Variants in APC observed in about 807,000 individuals in gnomAD.
APC encodes the protein adenomatous polyposis coli protein.
In APC, 72 loss-of-function variants were observed where a neutral mutation model predicts 247.0. That is an observed-to-expected ratio of 0.29 (90% CI 0.24 to 0.35). APC has a LOEUF of 0.35. APC is among the 10% of genes least tolerant of loss of function. APC has a pLI of 1.00. For synonymous variants in APC, 1,254 were observed against 1,162.5 expected, an observed-to-expected ratio of 1.08 and a Z score of -1.60; for missense variants, 3,400 against 3,360.7, an observed-to-expected ratio of 1.01 and a Z score of -0.29.
chr5:112,825,954 T>C (rs1390711689), intron 11 of APC, among the ~76,000 whole-genome samples: 2 of 152,248 alleles, frequency 1.3e-5, no homozygotes, highest in East Asian at 1.9e-4. Context: ...TTCCTAAATA[T>C]GATTTGGATT....
At chr5:112,831,921 A>C (rs541786314) in intron 14 of APC, among the ~76,000 whole-genome samples, 1 of 152,218 alleles carries the variant, frequency 6.6e-6, no homozygotes, top group Non-Finnish European at 1.5e-5. Context: ...GGCAGTTACA[A>C]TTTGACAGTT....
rs730881256 is a variant in APC at position 112,842,288 on chromosome 5, C to G, written c.6694C>G (p.His2232Asp). The change falls in exon 16 of 16, where the codon CAT becomes GAT. Residue 2232 changes from histidine to aspartate, a missense_variant. Physicochemically the swap from His to Asp is moderately conservative, Grantham distance 81 (BLOSUM62 -1). This residue lies in a region of APC where 1,788 missense variants were observed against 1,649.5 expected (regional missense o/e 1.08). Coordinates refer to ENST00000257430, the MANE Select transcript of APC (RefSeq NM_000038.6). ...AATCTCTCGAGGCAGGACAATGATT[C>G]ATATTCCAGGAGTTCGAAATAGCTC... Reference protein sequence around the residue: ...PSISRGRTMIHIPGVRNSSSS... With the variant: ...PSISRGRTMIDIPGVRNSSSS... The G allele has an allele frequency of 2.0e-5, 32 of 1,613,862 alleles. No individual in the cohort carries two copies. The highest frequency in any genetic ancestry group is 2.5e-5 in the Non-Finnish European group (30 of 1,179,902).
At chr5:112,835,761 A>T (rs887996998) in intron 15 of APC, among the ~76,000 whole-genome samples, 1 of 151,798 alleles carries the variant, frequency 6.6e-6, no homozygotes, top group Non-Finnish European at 1.5e-5. Flanking sequence ...TTTGGTAGAG[A>T]TGGGGTTTCA....
rs864622694 is a variant in APC, at chr5:112,839,302, A to G, written c.3708A>G (p.Ala1236=). 3.1e-6 allele frequency: 5 copies of G among 1,614,076 alleles called. No individual in the cohort carries two copies. The highest frequency in any genetic ancestry group is 4.2e-6 in the Non-Finnish European group (5 of 1,180,026). Residue 1236 remains alanine, a synonymous_variant, in exon 16 of 16, where the codon GCA becomes GCG. Transcript: ENST00000257430. This position sits in a 1 kb window ranked among gnomAD's most constrained non-coding sequence, Gnocchi z 5.0. ...AGAATCAGCTCCATCCAAGTTCTGC[A>G]CAGAGTAGAAGTGGTCAGCCTCAAA... ...KRQNQLHPSS[A]QSRSGQPQKA...
intron 9 of APC, among the ~76,000 whole-genome samples, chr5:112,817,385 C>A (rs1762619798): frequency 6.6e-6 from 1 of 152,134 alleles, no homozygotes; most frequent in African/African-American, 2.4e-5. Context: ...GATATTCTCA[C>A]TATGAGGCTT....
intron 4 of APC, among the ~76,000 whole-genome samples, chr5:112,772,298 C>T (rs1188084966): frequency 6.6e-6 from 1 of 152,168 alleles, no homozygotes; most frequent in Admixed American, 6.5e-5. Flanking sequence ...GCCTTATGAA[C>T]TGCTGTTGTG....
chr5:112,805,478 T>A (rs1224018820), intron 8 of APC, among the ~76,000 whole-genome samples: 1 of 152,204 alleles, frequency 6.6e-6, no homozygotes, highest in African/African-American at 2.4e-5. Flanking sequence ...GTAGCAATCA[T>A]AGACTTGCCC....
chr5:112,729,318 A>G (rs1041394932), intron 1 of APC, among the ~76,000 whole-genome samples: 1 of 152,240 alleles, frequency 6.6e-6, no homozygotes, highest in Admixed American at 6.5e-5. Context: ...AGCTTTTCAG[A>G]TCTCAAATGC....
At chr5:112,790,216 C>T (rs1241774891) in intron 6 of APC, among the ~76,000 whole-genome samples, 1 of 151,348 alleles carries the variant, frequency 6.6e-6, no homozygotes, top group East Asian at 1.9e-4. Context: ...AGAGACTCAG[C>T]TTAGTTATAT....
chr5:112,708,906 C>T (rs1385131294), intron 1 of APC, among the ~76,000 whole-genome samples: 5 of 152,150 alleles, frequency 3.3e-5, no homozygotes, highest in Admixed American at 6.5e-5. Flanking sequence ...AAAAAACTGT[C>T]CTAAATAACG....
chr5:112,796,981 C>G (rs1286313844), intron 7 of APC, among the ~76,000 whole-genome samples: 1 of 151,828 alleles, frequency 6.6e-6, no homozygotes, highest in African/African-American at 2.4e-5. Flanking sequence ...TAATGCTGTT[C>G]ACCTTCAATT....
At chr5:112,720,228 A>G (rs1260696812) in intron 1 of APC, among the ~76,000 whole-genome samples, 1 of 152,244 alleles carries the variant, frequency 6.6e-6, no homozygotes, top group African/African-American at 2.4e-5. Flanking sequence ...GATTAAATTG[A>G]TGTGTCTATA....
chr5:112,792,085 A>C (rs560199945), intron 6 of APC, among the ~76,000 whole-genome samples: 27 of 152,274 alleles, frequency 1.8e-4, no homozygotes, highest in Admixed American at 5.9e-4. Context: ...ATCGCTACTA[A>C]AAATACAAAA....
chr5:112,838,667 A>G lies in APC; in HGVS notation c.3073A>G (p.Ile1025Val), dbSNP rs370591349. ...TAATGATGGAGAACTAGATACACCA[A>G]TAAATTATAGTCTTAAATATTCAGA... ...DDNDGELDTP[I>V]NYSLKYSDEQ... is the part of the protein sequence containing the mutation. Residue 1025 changes from isoleucine (I) to valine (V), a missense_variant, in exon 16 of 16, where the codon ATA becomes GTA. By Grantham distance (29) the Ile-to-Val change is conservative. Transcript: ENST00000257430. The G allele has an allele frequency of 1.9e-6, 3 of 1,614,208 alleles. No homozygotes were observed. The highest frequency in any genetic ancestry group is 2.2e-5 in the East Asian group (1 of 44,880).
chr5:112,714,765 C>G (rs1751061068), intron 1 of APC, among the ~76,000 whole-genome samples: 1 of 152,166 alleles, frequency 6.6e-6, no homozygotes, highest in South Asian at 2.1e-4. Flanking sequence ...CATGCTTCAG[C>G]TTTACAATCT....
intron 8 of APC, among the ~76,000 whole-genome samples, chr5:112,809,080 A>G (rs1761714157): frequency 6.6e-6 from 1 of 152,148 alleles, no homozygotes; most frequent in Non-Finnish European, 1.5e-5. Flanking sequence ...ACCTGGGTGC[A>G]GTAGCTCATG....
intron 4 of APC, among the ~76,000 whole-genome samples, chr5:112,768,222 G>T (rs1756585090): frequency 6.6e-6 from 1 of 151,480 alleles, no homozygotes; most frequent in Non-Finnish European, 1.5e-5. Flanking sequence ...TTTATATTTT[G>T]AGTAGAGACA....
Position 112,832,841 on chromosome 5 carries a change from CT to C in APC, c.1744-2103del, listed in dbSNP as rs988508600. ...CTTTGTTTCATGTATATTTTTGTATCTTTTTTTCCCCCCAAAGCAAATTGCT... is the reference window on the plus strand; with the variant it reads ...CTTTGTTTCATGTATATTTTTGTATCTTTTTTCCCCCCAAAGCAAATTGCT... On this transcript the variant is annotated intron_variant, in intron 14 of 15. Transcript: ENST00000257430. Among the ~76,000 whole-genome samples the C allele has an allele frequency of 1.8e-4, 28 of 152,166 alleles. 1 individual carries two copies. Among genetic ancestry groups the C allele is most frequent in the South Asian group, 6.2e-4 (3 of 4,818 alleles).
chr5:112,791,159 A>C (rs535683158), intron 6 of APC, among the ~76,000 whole-genome samples: 1 of 151,000 alleles, frequency 6.6e-6, no homozygotes, highest in East Asian at 1.9e-4. Context: ...CTTAAAAAAC[A>C]CACACACACA....
Sources: gnomAD v4.1 joint callset for allele counts (sites outside exome capture counted in the v4.1 genomes callset) on GRCh38, gnomAD v4.1.1 for gene constraint, gnomAD v4.1.1 regional missense constraint, Gnocchi (gnomAD v3.1) non-coding constraint, MANE v1.5 for transcripts, NCBI Gene and HGNC (gene_info 2026-07-23, HGNC 2026-07-21) for gene names.